LIG1: variants seen among roughly 807,000 people sequenced by gnomAD.
LIG1 encodes ligase I, DNA, ATP-dependent.
In LIG1, 70 loss-of-function variants were observed where a neutral mutation model predicts 115.7. That is an observed-to-expected ratio of 0.60 (90% CI 0.50 to 0.74). The LOEUF (loss-of-function observed/expected upper bound fraction) is 0.74, where lower values mean the gene tolerates loss of function less well. LIG1 is among the 30% of genes least tolerant of loss of function. The pLI is 0.00. For missense variants in LIG1, 1,115 were observed against 1,225.6 expected, an observed-to-expected ratio of 0.91 and a Z score of 1.35; for synonymous variants, 487 against 495.3, an observed-to-expected ratio of 0.98 and a Z score of 0.22.
rs143973898 is a variant in LIG1 at position 48,131,178 on chromosome 19, C to T, written c.1726-7G>A. The T allele has an allele frequency of 1.9e-5, 31 of 1,611,920 alleles. No homozygotes were observed. Among genetic ancestry groups the T allele is most frequent in the Admixed American group, 3.3e-5 (2 of 60,022 alleles). On this transcript the variant is annotated splice_region_variant and splice_polypyrimidine_tract_variant and intron_variant, in intron 18 of 27. Coordinates refer to ENST00000263274, the MANE Select transcript of LIG1 (RefSeq NM_000234.3). The stretch of plus-strand genomic sequence containing the variant: ...CGCCTTCCAGGGCGTGGATCTGTCA[C>T]GATGGGAGAAGGGAGGGGAAATCAG...
rs186495497 is a variant in LIG1, at chr19:48,150,237, T to C, written c.575-27A>G. 1.5e-4 allele frequency: 250 copies of C among 1,614,044 alleles called. 1 individual carries two copies. The East Asian group carries it at 4.2e-3, about 27-fold the overall frequency. On this transcript the variant is annotated intron_variant, in intron 7 of 27. Transcript: ENST00000263274. The stretch of plus-strand genomic sequence containing the variant: ...TGCGGTGAGAGAGCTCAGACGGTGA[T>C]GCAAACTCTTTGACCCTGAGACTTT...
rs372115091 is a variant in LIG1 at position 48,149,320 on chromosome 19, C to T, written c.776+443G>A. Among the ~76,000 whole-genome samples, 37 of 152,222 alleles carry T rather than the reference C, an allele frequency of 2.4e-4. 1 individual carries two copies. The South Asian group carries it at 7.7e-3, about 32-fold the overall frequency. ...TCAAAAATAAAAAATCTGGTGAGTT[C>T]AGAGCCAGAGGAACAGAGAGGTAGG... On this transcript the variant is annotated intron_variant, in intron 9 of 27. Coordinates refer to ENST00000263274, the MANE Select transcript of LIG1 (RefSeq NM_000234.3).
At chr19:48,158,278 G>C (rs80250341) in intron 4 of LIG1, among the ~76,000 whole-genome samples, 7,080 of 152,246 alleles carry the variant, frequency 0.047, 404 homozygotes, top group African/African-American at 0.13. Flanking sequence ...TTAATGTTGA[G>C]TGGGGTGCCC....
At position 48,115,933 on chromosome 19, in the gene LIG1, G is replaced by A. The variant is rs2032775952; in HGVS notation, c.2616C>T (p.Phe872=). Residue 872 remains phenylalanine, a synonymous_variant, in exon 27 of 28, where the codon TTC becomes TTT. Coordinates refer to ENST00000263274, the MANE Select transcript of LIG1 (RefSeq NM_000234.3). ...CTTCACGGACTCGAATAAACCGAGG[G>A]AAGCGAAGGGAGATGCCCTTGTCAC... ...VDSDKGISLR[F]PRFIRVREDK... is the part of the protein sequence containing the mutation. 6.2e-7 allele frequency: 1 copy of A among 1,613,976 alleles called. No individual in the cohort carries two copies. The highest frequency in any genetic ancestry group is 8.5e-7 in the Non-Finnish European group (1 of 1,180,020).
intron 5 of LIG1, 115 bp from the exon 6 acceptor site, chr19:48,154,082 C>T (rs944725254): frequency 6.0e-6 from 5 of 832,636 alleles, no homozygotes; most frequent in Non-Finnish European, 1.0e-5. Context: ...CTCCCCTTCT[C>T]TGCCTGCACA....
chr19:48,150,730 C>A (rs1227366964), intron 7 of LIG1, among the ~76,000 whole-genome samples: 1 of 152,172 alleles, frequency 6.6e-6, no homozygotes, highest in Non-Finnish European at 1.5e-5. Context: ...GGAGTTCTTG[C>A]TCTGTGGCCA....
Position 48,122,921 on chromosome 19 carries a change from G to T in LIG1, c.2232+13C>A. The T allele has an allele frequency of 6.2e-7, 1 of 1,613,236 alleles. No homozygotes were observed. Reference sequence around the variant, plus strand: ...CCGGGGTGGAGAAGGCCCAGTTGGGGGTCGAGAATCACCTTGAGCCAGTTG... The same window carrying T: ...CCGGGGTGGAGAAGGCCCAGTTGGGTGTCGAGAATCACCTTGAGCCAGTTG... On this transcript the variant is annotated intron_variant, in intron 23 of 27. Transcript: ENST00000263274. The surrounding 1 kb of genome is among the most constrained non-coding windows in gnomAD (Gnocchi z 4.3).
rs759379259 is a variant in LIG1 at position 48,121,335 on chromosome 19, G to C, written c.2233-13C>G. On this transcript the variant is annotated splice_polypyrimidine_tract_variant and intron_variant, in intron 23 of 27. Coordinates refer to ENST00000263274, the MANE Select transcript of LIG1 (RefSeq NM_000234.3). The stretch of plus-strand genomic sequence containing the variant: ...AGTCCTTCTTCAGCTGGGAGAAGGG[G>C]AGGCAAGAGATGAGAAGGGGGAGCG... The C allele has an allele frequency of 6.3e-7, 1 of 1,590,040 alleles. No individual in the cohort carries two copies.
In LIG1 at chr19:48,143,586, C is replaced by A. The variant is rs758703761; in HGVS notation, c.871G>T (p.Ala291Ser). The A allele has an allele frequency of 1.2e-6, 2 of 1,611,032 alleles. No individual in the cohort carries two copies. Among genetic ancestry groups the A allele is most frequent in the Non-Finnish European group, 1.7e-6 (2 of 1,178,896 alleles). The change falls in exon 11 of 28, where the codon GCT (alanine) becomes TCT (serine). Residue 291 changes from alanine to serine, a missense_variant. Transcript: ENST00000263274. ...WKPGQKVPYL[A>S]VARTFEKIEE... is the part of the protein sequence containing the mutation. ...ATCTTCTCAAACGTCCGGGCCACAG[C>A]CAGGTAAGGAACCCTAGGGAAGGAA...
intron 3 of LIG1, among the ~76,000 whole-genome samples, 178 bp from the exon 4 acceptor site, chr19:48,161,685 C>T (rs934776966): frequency 6.6e-6 from 1 of 152,078 alleles, no homozygotes; most frequent in African/African-American, 2.4e-5. Context: ...TGCATTAATC[C>T]ACCCGCCCAC....
Position 48,121,361 on chromosome 19 carries a change from C to T in LIG1, c.2233-39G>A, listed in dbSNP as rs1185172289. ...AGGCAAGAGATGAGAAGGGGGAGCG[C>T]CCAAGGCGGGGCCCTCACTGCTGGG... On this transcript the variant is annotated intron_variant, in intron 23 of 27. Coordinates refer to ENST00000263274, the MANE Select transcript of LIG1 (RefSeq NM_000234.3). The T allele has an allele frequency of 2.6e-6, 4 of 1,550,574 alleles. No individual in the cohort carries two copies. The Middle Eastern group carries it at 5.1e-4, about 199-fold the overall frequency.
intron 24 of LIG1, among the ~76,000 whole-genome samples, chr19:48,119,395 C>T (rs567307797): frequency 4.6e-5 from 7 of 152,250 alleles, no homozygotes; most frequent in South Asian, 2.1e-4. Context: ...GCAGGCCTGC[C>T]GTGAACCACT....
At position 48,128,061 on chromosome 19, in the gene LIG1, G is replaced by A. The variant is rs761996288; in HGVS notation, c.1822-41C>T. On this transcript the variant is annotated intron_variant, in intron 19 of 27. Coordinates refer to ENST00000263274, the MANE Select transcript of LIG1 (RefSeq NM_000234.3). ...AGAGACCCAGGGCCTGAGAGAGGTG[G>A]AAGATGAGGTGGAAAGACAAACACG... 6.7e-6 allele frequency: 10 copies of A among 1,497,806 alleles called. No homozygotes were observed. In the South Asian group the frequency reaches 1.0e-4, roughly 15 times the overall value. The allele number at this position is 1,497,806 out of a possible 1,614,324, so 92.8% of individuals were successfully genotyped here. A position where few individuals can be genotyped will look rare whatever the true frequency, so the allele number is the denominator to read the frequency against.
chr19:48,129,472 T>C (rs2033877803), intron 19 of LIG1, among the ~76,000 whole-genome samples: 1 of 152,216 alleles, frequency 6.6e-6, no homozygotes, highest in African/African-American at 2.4e-5. Context: ...TGCTGGGCTG[T>C]GAGCTCAGTG....
chr19:48,118,495 G>C (rs891054726), intron 25 of LIG1: 2 of 154,852 alleles, frequency 1.3e-5, no homozygotes, highest in African/African-American at 4.9e-5. Context: ...CCAGCCGTGT[G>C]GAACTGTGAG....
chr19:48,119,036 G>T, intron 25 of LIG1, 101 bp downstream of exon 25: 1 of 944,958 alleles, frequency 1.1e-6, no homozygotes, highest in Non-Finnish European at 1.7e-6. Context: ...CACACCTGGA[G>T]CCCCAAGATG....
intron 26 of LIG1, among the ~76,000 whole-genome samples, chr19:48,117,040 G>T (rs2032888401): frequency 6.6e-6 from 1 of 152,154 alleles, no homozygotes; most frequent in South Asian, 2.1e-4. Context: ...CACCGTGTTG[G>T]TCAGGCTGGT....
At chr19:48,132,841 G>A (rs2034126778) in intron 18 of LIG1, 141 bp downstream of exon 18, 2 of 721,450 alleles carry the variant, frequency 2.8e-6, no homozygotes, top group Non-Finnish European at 2.6e-6. Context: ...GCATGGAGGT[G>A]GATGCTGAAG....
rs1300493595 is a variant in LIG1, at chr19:48,153,899, C to T, written c.439G>A (p.Glu147Lys). ...LEEQSEDEDR[E>K]AKRKKEEEEE... ...TCCTCCTCCTTCTTCCTCTTGGCTT[C>T]TCTGTCCTCGTCCTCACTCTGCTCT... is the stretch of plus-strand genomic sequence containing the variant. Residue 147 changes from glutamate (E) to lysine (K), a missense_variant, in exon 6 of 28, where the codon GAA (glutamate) becomes AAA (lysine). By Grantham distance (56) the Glu-to-Lys change is moderately conservative. Coordinates refer to ENST00000263274, the MANE Select transcript of LIG1 (RefSeq NM_000234.3). 1 of 1,606,414 alleles carries T rather than the reference C, an allele frequency of 6.2e-7. No individual in the cohort carries two copies. The highest frequency in any genetic ancestry group is 8.5e-7 in the Non-Finnish European group (1 of 1,176,556).
Sources: gnomAD v4.1 joint callset for allele counts (sites outside exome capture counted in the v4.1 genomes callset) on GRCh38, gnomAD v4.1.1 for gene constraint, Gnocchi (gnomAD v3.1) non-coding constraint, MANE v1.5 for transcripts, NCBI Gene and HGNC (gene_info 2026-07-23, HGNC 2026-07-21) for gene names.